Variants in EPS8 observed in about 807,000 individuals in gnomAD.
The protein encoded by EPS8 is epidermal growth factor receptor kinase substrate 8.
A neutral mutation model predicts 103.8 loss-of-function variants in EPS8; 42 were observed. The ratio of observed to expected loss-of-function variants is 0.40; its 90% confidence interval spans 0.32 to 0.52. The LOEUF is 0.52. EPS8 is among the 20% of genes least tolerant of loss of function. EPS8 has a pLI of 0.40. For missense variants in EPS8, 969 were observed against 1,005.1 expected, an observed-to-expected ratio of 0.96 and a Z score of 0.49; for synonymous variants, 344 against 344.6, an observed-to-expected ratio of 1.00 and a Z score of 0.02.
intron 1 of EPS8, among the ~76,000 whole-genome samples, chr12:15,703,857 T>G (rs1192422335): frequency 1.4e-5 from 2 of 145,970 alleles, no homozygotes; most frequent in Non-Finnish European, 3.0e-5. Flanking sequence ...GTTTTTTTTT[T>G]TTTTTTTTTT....
Position 15,735,144 on chromosome 12 carries a change from C to T in EPS8, c.-21-52172G>A, listed in dbSNP as rs1161494445. Among the ~76,000 whole-genome samples, 1 of 152,126 alleles carries T rather than the reference C, an allele frequency of 6.6e-6. No individual in the cohort carries two copies. Among genetic ancestry groups the T allele is most frequent in the Non-Finnish European group, 1.5e-5 (1 of 68,018 alleles). On this transcript the variant is annotated intron_variant, in intron 1 of 20. Transcript: ENST00000281172. This position sits in a 1 kb window ranked among gnomAD's most constrained non-coding sequence, Gnocchi z 4.4. ...GAAACAGTAGACTGATTTAAGTATA[C>T]TAATTTTTCTACAAATGAACTCACC...
At chr12:15,685,434 T>G (rs570798311) in intron 1 of EPS8, among the ~76,000 whole-genome samples, 1 of 152,222 alleles carries the variant, frequency 6.6e-6, no homozygotes, top group Non-Finnish European at 1.5e-5. Context: ...GGGTTTGTGC[T>G]GATTTTGATC....
intron 4 of EPS8, among the ~76,000 whole-genome samples, 172 bp from the exon 5 acceptor site, chr12:15,669,997 C>A (rs1945787549): frequency 6.6e-6 from 1 of 152,070 alleles, no homozygotes; most frequent in Non-Finnish European, 1.5e-5. Context: ...TAAAGCCAAC[C>A]AAGGTTTTTT....
intron 1 of EPS8, among the ~76,000 whole-genome samples, chr12:15,732,198 G>GA (rs143500071): frequency 0.012 from 1,862 of 152,198 alleles, 30 homozygotes; most frequent in African/African-American, 0.037. Context: ...TCATCTTAAC[G>GA]AGATGAATGG....
rs758084442 is a variant in EPS8, at chr12:15,647,214, C to T, written c.1481G>A (p.Ser494Asn). The change falls in exon 15 of 21, where the codon AGT becomes AAT. Residue 494 changes from serine (S) to asparagine (N), a missense_variant. Ser to Asn is a conservative substitution (Grantham distance 46). Coordinates refer to ENST00000281172, the MANE Select transcript of EPS8 (RefSeq NM_004447.6). The part of the protein sequence containing the change: ...EYHPADGYAF[S>N]SNIYTRGSHL... ...GGATCCTCTTGTGTAAATGTTGCTA[C>T]TGAACGCATAGCCATCGGCTGGATG... The T allele has an allele frequency of 2.5e-6, 4 of 1,613,840 alleles. No homozygotes were observed. Among genetic ancestry groups the T allele is most frequent in the South Asian group, 1.1e-5 (1 of 91,042 alleles).
intron 17 of EPS8, among the ~76,000 whole-genome samples, chr12:15,634,066 TCTGAA>T (rs1945094896): frequency 6.6e-6 from 1 of 152,220 alleles, no homozygotes; most frequent in African/African-American, 2.4e-5. Context: ...AGAAGTGCAC[TCTGAA>T]CTTTTTTCTC....
intron 10 of EPS8, among the ~76,000 whole-genome samples, chr12:15,660,163 C>T (rs1014163510): frequency 6.6e-6 from 1 of 152,152 alleles, no homozygotes; most frequent in Non-Finnish European, 1.5e-5. Flanking sequence ...TCATCTTACT[C>T]TTTGCCTAAA....
At chr12:15,662,760 T>C (rs1157883596) in intron 8 of EPS8, 1 of 577,958 alleles carries the variant, frequency 1.7e-6, no homozygotes, top group East Asian at 1.4e-4. Context: ...CTTCCTGGTA[T>C]GAGTCAGTTA....
chr12:15,681,187 T>C (rs372177747), intron 3 of EPS8, 39 bp downstream of exon 3: 1 of 1,112,096 alleles, frequency 9.0e-7, no homozygotes, highest in Non-Finnish European at 1.3e-6. Context: ...AAAAAGTGGT[T>C]AGAAACAAAA....
intron 1 of EPS8, chr12:15,712,949 C>T (rs983040002): frequency 7.0e-5 from 69 of 985,236 alleles, no homozygotes; most frequent in Non-Finnish European, 8.1e-5. Context: ...ACCTTTGGCA[C>T]AACGTCAGAA....
rs897661529 is a variant in EPS8 at position 15,780,362 on chromosome 12, G to A, written c.-22+8799C>T. 1.3e-5 allele frequency among the ~76,000 whole-genome samples: 2 copies of A among 151,966 alleles called. No homozygotes were observed. Among genetic ancestry groups the A allele is most frequent in the African/African-American group, 4.8e-5 (2 of 41,354 alleles). The stretch of plus-strand genomic sequence containing the variant: ...CATCTTTCTACCTGGAGAGAGATGA[G>A]CGTCTCGCTTTGCCTCAAAAATTCA... On this transcript the variant is annotated intron_variant, in intron 1 of 20. Transcript: ENST00000281172. The surrounding 1 kb of genome is among the most constrained non-coding windows in gnomAD (Gnocchi z 4.1).
At chr12:15,654,741 T>C (rs982678512) in intron 12 of EPS8, among the ~76,000 whole-genome samples, 10 of 152,160 alleles carry the variant, frequency 6.6e-5, no homozygotes, top group African/African-American at 1.9e-4. Context: ...TAACAGTCTA[T>C]GGCTGTGCCT....
chr12:15,659,732 A>G (rs1945571893), intron 10 of EPS8, among the ~76,000 whole-genome samples: 1 of 152,122 alleles, frequency 6.6e-6, no homozygotes, highest in African/African-American at 2.4e-5. Flanking sequence ...AATCTCTACC[A>G]TTTTGTCAGA....
intron 1 of EPS8, among the ~76,000 whole-genome samples, chr12:15,699,768 TTAAG>T (rs1276707281): frequency 2.0e-5 from 3 of 152,270 alleles, no homozygotes; most frequent in Middle Eastern, 3.4e-3. Context: ...TGACCCAACT[TTAAG>T]TGTCTATTCT....
intron 1 of EPS8, among the ~76,000 whole-genome samples, chr12:15,744,263 T>C (rs954848526): frequency 6.6e-6 from 1 of 152,172 alleles, no homozygotes; most frequent in East Asian, 1.9e-4. Flanking sequence ...AGCATGGAAA[T>C]AGCACTTTGT....
rs138927303 is a variant in EPS8 at position 15,684,992 on chromosome 12, T to C, written c.-21-2020A>G. Among the ~76,000 whole-genome samples, 79 of 152,284 alleles carry C rather than the reference T, an allele frequency of 5.2e-4. No individual in the cohort carries two copies. Among genetic ancestry groups the C allele is most frequent in the African/African-American group, 1.8e-3 (74 of 41,546 alleles). On this transcript the variant is annotated intron_variant, in intron 1 of 20. Coordinates refer to ENST00000281172, the MANE Select transcript of EPS8 (RefSeq NM_004447.6). The surrounding 1 kb of genome is among the most constrained non-coding windows in gnomAD (Gnocchi z 4.9). ...GGTGGGACAAGGCAGAGGGCCTGAT[T>C]TGTAGTGCTTATTGTTTTCCATGGT...
rs142733590 is a variant in EPS8, at chr12:15,631,610, G to A, written c.1876C>T (p.Pro626Ser). ...GGAACAGGAGCTGGTGTTGGAGGAG[G>A]TGATGGAGCAGGGGGAGTATCAGCT... ...RPADTPPAPS[P>S]PPTPAPVPVP... Residue 626 changes from proline (P) to serine (S), a missense_variant, in exon 18 of 21, where the codon CCT (proline) becomes TCT (serine). Transcript: ENST00000281172. The A allele has an allele frequency of 1.2e-6, 2 of 1,614,056 alleles. No individual in the cohort carries two copies. The highest frequency in any genetic ancestry group is 1.1e-5 in the South Asian group (1 of 91,070).
At chr12:15,665,690 G>A in intron 8 of EPS8, 66 bp downstream of exon 8, 1 of 1,566,348 alleles carries the variant, frequency 6.4e-7, no homozygotes, top group Non-Finnish European at 8.7e-7. Context: ...ATCAGAATTT[G>A]AAAGCAAGAA....
In EPS8 at chr12:15,712,928, T is replaced by C. The variant is rs1362999511; in HGVS notation, c.-21-29956A>G. On this transcript the variant is annotated intron_variant, in intron 1 of 20. Transcript: ENST00000281172. ...GAGGCCATTCCACTCAGTTTACTTA[T>C]GTGCCAAGTGACCTTTGGCACAACG... 5.1e-6 allele frequency: 5 copies of C among 985,296 alleles called. No homozygotes were observed. The African/African-American group carries it at 8.7e-5, about 17-fold the overall frequency. 61.0% of individuals were successfully genotyped at this position (985,296 alleles called of 1,614,324 possible).
Sources: gnomAD v4.1 joint callset for allele counts (sites outside exome capture counted in the v4.1 genomes callset) on GRCh38, gnomAD v4.1.1 for gene constraint, Gnocchi (gnomAD v3.1) non-coding constraint, MANE v1.5 for transcripts, NCBI Gene and HGNC (gene_info 2026-07-23, HGNC 2026-07-21) for gene names.